Variants in MAP3K1 observed in about 807,000 individuals in gnomAD.
MAP3K1 encodes the protein MAP/ERK kinase kinase 1.
A neutral mutation model predicts 144.2 loss-of-function variants in MAP3K1; 36 were observed. The observed-to-expected ratio is 0.25, with a 90% CI of 0.19 to 0.33. The LOEUF (loss-of-function observed/expected upper bound fraction) is 0.33, where lower values mean the gene tolerates loss of function less well. Ranked by LOEUF, MAP3K1 falls within the 10% of genes least tolerant of loss-of-function variation. MAP3K1 has a pLI of 1.00. For missense variants in MAP3K1, 1,650 were observed against 1,881.9 expected (o/e 0.88, Z 2.28); for synonymous variants, 718 against 688.7 (o/e 1.04, Z -0.67).
At chr5:56,884,612 A>C (rs1252513670) in intron 15 of MAP3K1, 52 bp from the exon 16 acceptor site, 1 of 1,558,240 alleles carries the variant, frequency 6.4e-7, no homozygotes, top group African/African-American at 1.4e-5. Flanking sequence ...ATTTTAGATC[A>C]GATTGCTAGT....
chr5:56,824,380 T>C (rs918659628), intron 1 of MAP3K1, among the ~76,000 whole-genome samples: 1 of 152,256 alleles, frequency 6.6e-6, no homozygotes, highest in African/African-American at 2.4e-5. Flanking sequence ...ATGTTGTTCA[T>C]GCAGTGTTGT....
intron 1 of MAP3K1, chr5:56,820,539 A>G: frequency 1.0e-6 from 1 of 985,348 alleles, no homozygotes; most frequent in Non-Finnish European, 1.2e-6. Flanking sequence ...TATTTGGATC[A>G]CCCTATCATG....
At position 56,816,021 on chromosome 5, in the gene MAP3K1, G is replaced by A. The variant is rs2111728545; in HGVS notation, c.448G>A (p.Ala150Thr). Reference protein sequence around the residue: ...AAEPGEKRAPAAEPSPAAAPA... With the variant: ...AAEPGEKRAPTAEPSPAAAPA... Reference sequence around the variant, plus strand: ...CGAGCCCGGGGAGAAGCGGGCGCCCGCCGCCGAGCCGTCTCCTGCAGCGGC... The same window carrying A: ...CGAGCCCGGGGAGAAGCGGGCGCCCACCGCCGAGCCGTCTCCTGCAGCGGC... The change falls in exon 1 of 20, where the codon GCC (alanine) becomes ACC (threonine). Residue 150 changes from alanine (A) to threonine (T), a missense_variant. By Grantham distance (58) the Ala-to-Thr change is moderately conservative (BLOSUM62 0). Around this residue, in one of 6 missense-constraint regions of MAP3K1, gnomAD observed 360 missense variants for 274.7 expected, o/e 1.31. Coordinates refer to ENST00000399503, the MANE Select transcript of MAP3K1 (RefSeq NM_005921.2). 8.2e-7 allele frequency: 1 copy of A among 1,219,936 alleles called. No individual in the cohort carries two copies. The highest frequency in any genetic ancestry group is 1.0e-6 in the Non-Finnish European group (1 of 982,164). 75.6% of individuals were successfully genotyped at this position (1,219,936 alleles called of 1,614,324 possible). A position where few individuals can be genotyped will look rare whatever the true frequency, so the allele number is the denominator to read the frequency against.
rs1209264588 is a variant in MAP3K1 at position 56,859,728 on chromosome 5, T to A, written c.647T>A (p.Ile216Asn). ...NRRGPVVVKP[I>N]PVKGDGSEMN... ...ACTTTGATTCAGGTGGTAAAACCAA[T>A]CCCAGTTAAAGGAGATGGATCTGAA... Residue 216 changes from isoleucine (I) to asparagine (N), a missense_variant, in exon 3 of 20, where the codon ATC becomes AAC. By Grantham distance (149) the Ile-to-Asn change is moderately radical. Around this residue, in one of 6 missense-constraint regions of MAP3K1, gnomAD observed 148 missense variants for 177.2 expected, o/e 0.84. Coordinates refer to ENST00000399503, the MANE Select transcript of MAP3K1 (RefSeq NM_005921.2). 6.2e-7 allele frequency: 1 copy of A among 1,613,704 alleles called. No individual in the cohort carries two copies. The highest frequency in any genetic ancestry group is 2.2e-5 in the East Asian group (1 of 44,838).
intron 6 of MAP3K1, among the ~76,000 whole-genome samples, chr5:56,869,081 T>C (rs1747771483): frequency 6.7e-6 from 1 of 150,354 alleles, no homozygotes; most frequent in Admixed American, 6.6e-5. Context: ...TGACCCTGTC[T>C]GTACCAAAAA....
intron 1 of MAP3K1, among the ~76,000 whole-genome samples, chr5:56,821,743 A>G (rs910136577): frequency 6.6e-6 from 1 of 152,154 alleles, no homozygotes; most frequent in African/African-American, 2.4e-5. Flanking sequence ...TAATCTTCAA[A>G]CTGGTCTTAT....
chr5:56,893,911 C>T lies in MAP3K1; in HGVS notation c.*231C>T. On this transcript the variant is annotated 3_prime_UTR_variant, in exon 20 of 20. Coordinates refer to ENST00000399503, the MANE Select transcript of MAP3K1 (RefSeq NM_005921.2). ...ACTGTAAACTGTGCCTTTCAAAGAA[C>T]TGGCCCTAGGTGAACAGGAAAACAA... The T allele has an allele frequency of 1.8e-6, 1 of 565,256 alleles. No homozygotes were observed. 35.0% of individuals were successfully genotyped at this position (565,256 alleles called of 1,614,324 possible). A position where few individuals can be genotyped will look rare whatever the true frequency, so the allele number is the denominator to read the frequency against.
rs753388137 is a variant in MAP3K1, at chr5:56,887,392, A to G, written c.4129A>G (p.Ile1377Val). Reference sequence around the variant, plus strand: ...TTTGTTGACAGGTGCCAATTTGCTAATTGACAGCACTGGTCAGAGACTAAG... The same window carrying G: ...TTTGTTGACAGGTGCCAATTTGCTAGTTGACAGCACTGGTCAGAGACTAAG... Reference protein sequence around the residue: ...HRDVKGANLLIDSTGQRLRIA... With the variant: ...HRDVKGANLLVDSTGQRLRIA... The change falls in exon 18 of 20, where the codon ATT (isoleucine) becomes GTT (valine). Residue 1377 changes from isoleucine (I) to valine (V), a missense_variant. Physicochemically the swap from Ile to Val is conservative, Grantham distance 29. Coordinates refer to ENST00000399503, the MANE Select transcript of MAP3K1 (RefSeq NM_005921.2). 2 of 1,614,202 alleles carry G rather than the reference A, an allele frequency of 1.2e-6. No homozygotes were observed. The highest frequency in any genetic ancestry group is 1.7e-6 in the Non-Finnish European group (2 of 1,180,028).
At chr5:56,851,954 T>C (rs956130873) in intron 1 of MAP3K1, 2 of 152,186 alleles carry the variant, frequency 1.3e-5, no homozygotes, top group African/African-American at 2.4e-5. Flanking sequence ...CTTAAACATA[T>C]ACTTAATTTT....
intron 17 of MAP3K1, among the ~76,000 whole-genome samples, chr5:56,886,550 A>G (rs544489815): frequency 6.6e-6 from 1 of 152,322 alleles, no homozygotes; most frequent in Admixed American, 6.5e-5. Flanking sequence ...CATTGAATAC[A>G]AGAGAGGCTG....
At chr5:56,862,327 T>A (rs1049720849) in intron 3 of MAP3K1, among the ~76,000 whole-genome samples, 1 of 152,214 alleles carries the variant, frequency 6.6e-6, no homozygotes, top group Admixed American at 6.5e-5. Flanking sequence ...TGTTTGCTAA[T>A]GCCTTATTGT....
chr5:56,844,182 G>GTTTTTTTTTTTTTTT (rs1561174026), intron 1 of MAP3K1, among the ~76,000 whole-genome samples: 4 of 108,396 alleles, frequency 3.7e-5, no homozygotes, highest in Non-Finnish European at 6.1e-5. Flanking sequence ...TGTTTTTTTT[G>GTTTTTTTTTTTTTTT]GTTTTTTTTT....
intron 10 of MAP3K1, among the ~76,000 whole-genome samples, chr5:56,876,669 G>A (rs1443135693): frequency 6.6e-6 from 1 of 152,142 alleles, no homozygotes; most frequent in Non-Finnish European, 1.5e-5. Context: ...TAGCACGATG[G>A]CTTTATGAAG....
intron 1 of MAP3K1, among the ~76,000 whole-genome samples, chr5:56,830,002 G>A (rs1746438137): frequency 6.6e-6 from 1 of 152,030 alleles, no homozygotes; most frequent in Admixed American, 6.6e-5. Flanking sequence ...AAGCAGTTTT[G>A]GCATTAAAGA....
At chr5:56,865,284 A>T (rs1353144531) in intron 4 of MAP3K1, 56 bp from the exon 5 acceptor site, 6 of 980,142 alleles carry the variant, frequency 6.1e-6, no homozygotes, top group Non-Finnish European at 8.1e-6. Flanking sequence ...ATAAATTTAG[A>T]AGTTCTTGTG....
At chr5:56,892,208 T>C (rs1748570510) in intron 19 of MAP3K1, among the ~76,000 whole-genome samples, 1 of 152,250 alleles carries the variant, frequency 6.6e-6, no homozygotes, top group South Asian at 2.1e-4. Flanking sequence ...TTTTATTTCA[T>C]TGAGCACTGG....
At chr5:56,874,496 G>A (rs1254402928) in intron 9 of MAP3K1, among the ~76,000 whole-genome samples, 1 of 152,124 alleles carries the variant, frequency 6.6e-6, no homozygotes, top group Non-Finnish European at 1.5e-5. Context: ...TACCTGTTTT[G>A]TCTAGTTTTT....
At chr5:56,884,961 A>G (rs1748336602) in intron 16 of MAP3K1, 135 bp downstream of exon 16, 2 of 699,016 alleles carry the variant, frequency 2.9e-6, no homozygotes, top group African/African-American at 1.8e-5. Flanking sequence ...CCAATATATT[A>G]GTATGAACCA....
At chr5:56,832,011 G>T (rs1746508093) in intron 1 of MAP3K1, among the ~76,000 whole-genome samples, 1 of 152,172 alleles carries the variant, frequency 6.6e-6, no homozygotes, top group Non-Finnish European at 1.5e-5. Context: ...TAGATGAAGT[G>T]TTAGCACTGG....
Sources: gnomAD v4.1 joint callset for allele counts (sites outside exome capture counted in the v4.1 genomes callset) on GRCh38, gnomAD v4.1.1 for gene constraint, gnomAD v4.1.1 regional missense constraint, MANE v1.5 for transcripts, NCBI Gene and HGNC (gene_info 2026-07-23, HGNC 2026-07-21) for gene names.